SERPINI1: variants seen among roughly 807,000 people sequenced by gnomAD.
SERPINI1 encodes the protein serpin family I member 1.
A neutral mutation model predicts 41.1 loss-of-function variants in SERPINI1; 19 were observed. That is an observed-to-expected ratio of 0.46 (90% confidence interval 0.32 to 0.68). SERPINI1 has a LOEUF of 0.68. Ranked by LOEUF, SERPINI1 falls within the 30% of genes least tolerant of loss-of-function variation. SERPINI1 has a pLI of 0.03. For synonymous variants in SERPINI1, 138 were observed against 156.6 expected (o/e 0.88, Z 0.89); for missense variants, 460 against 479.2 (o/e 0.96, Z 0.37).
chr3:167,743,026 C>A (rs1725730325), intron 1 of SERPINI1, among the ~76,000 whole-genome samples: 1 of 152,104 alleles, frequency 6.6e-6, no homozygotes, highest in South Asian at 2.1e-4. Context: ...GCATTACAAA[C>A]ACTTTTCGTA....
At chr3:167,767,106 T>G (rs1726590535) in intron 1 of SERPINI1, among the ~76,000 whole-genome samples, 1 of 152,218 alleles carries the variant, frequency 6.6e-6, no homozygotes, top group African/African-American at 2.4e-5. Context: ...GTTTTAAAAC[T>G]TCAAAGGACA....
intron 1 of SERPINI1, among the ~76,000 whole-genome samples, chr3:167,753,550 G>C (rs1049081880): frequency 6.6e-6 from 1 of 152,116 alleles, no homozygotes; most frequent in African/African-American, 2.4e-5. Flanking sequence ...CAGAGGCCTT[G>C]GGACCCTATG....
intron 6 of SERPINI1, among the ~76,000 whole-genome samples, chr3:167,808,348 T>C (rs1160163363): frequency 6.6e-6 from 1 of 151,478 alleles, no homozygotes; most frequent in African/African-American, 2.4e-5. Flanking sequence ...TAAAATACTT[T>C]GGAAGTATTT....
At chr3:167,796,011 G>T (rs1490527617) in intron 5 of SERPINI1, among the ~76,000 whole-genome samples, 1 of 152,046 alleles carries the variant, frequency 6.6e-6, no homozygotes, top group Non-Finnish European at 1.5e-5. Context: ...GTTCAAGTAT[G>T]ATTAATTACT....
At chr3:167,818,788 G>A (rs1355584817) in intron 6 of SERPINI1, among the ~76,000 whole-genome samples, 5 of 152,154 alleles carry the variant, frequency 3.3e-5, no homozygotes, top group Non-Finnish European at 5.9e-5. Flanking sequence ...ACACAGGCTA[G>A]TAATAAAGGG....
At chr3:167,763,878 T>C (rs1726469490) in intron 1 of SERPINI1, among the ~76,000 whole-genome samples, 1 of 152,194 alleles carries the variant, frequency 6.6e-6, no homozygotes, top group African/African-American at 2.4e-5. Flanking sequence ...TAATAGGTTA[T>C]GAAAACACTT....
intron 5 of SERPINI1, chr3:167,800,175 T>C (rs928888037): frequency 6.6e-6 from 1 of 152,198 alleles, no homozygotes; most frequent in African/African-American, 2.4e-5. Flanking sequence ...AAGATTTATA[T>C]ACATAGTTGT....
intron 1 of SERPINI1, among the ~76,000 whole-genome samples, chr3:167,739,685 C>T (rs1256807720): frequency 6.6e-6 from 1 of 152,058 alleles, no homozygotes; most frequent in Non-Finnish European, 1.5e-5. Flanking sequence ...AACCATATTT[C>T]ATTCTATAAA....
At position 167,825,432 on chromosome 3, in the gene SERPINI1, A is replaced by G. The variant is rs1712487337; in HGVS notation, c.*109A>G. ...AGTATATCTTAAGATAATATTTAAA[A>G]TAGTTCCAGATAAAAACAATATATG... On this transcript the variant is annotated 3_prime_UTR_variant, in exon 9 of 9. Transcript: ENST00000446050. 4.1e-6 allele frequency: 3 copies of G among 734,588 alleles called. No individual in the cohort carries two copies. The highest frequency in any genetic ancestry group is 4.9e-6 in the Non-Finnish European group (2 of 411,582). The allele number at this position is 734,588 out of a possible 1,614,324, so 45.5% of individuals were successfully genotyped here.
At chr3:167,778,916 G>GGGGTTAGAA (rs1165349978) in intron 1 of SERPINI1, among the ~76,000 whole-genome samples, 7 of 152,222 alleles carry the variant, frequency 4.6e-5, no homozygotes, top group Admixed American at 3.9e-4. Context: ...GATAGTTTGG[G>GGGGTTAGAA]GGGTTAGAAG....
chr3:167,746,693 C>A (rs918442988), intron 1 of SERPINI1, among the ~76,000 whole-genome samples: 4 of 152,194 alleles, frequency 2.6e-5, no homozygotes, highest in African/African-American at 9.6e-5. Context: ...CAAATCAAAA[C>A]CACAGTGAGC....
intron 1 of SERPINI1, among the ~76,000 whole-genome samples, chr3:167,766,095 C>G (rs1360110521): frequency 6.6e-6 from 1 of 152,170 alleles, no homozygotes; most frequent in Non-Finnish European, 1.5e-5. Flanking sequence ...GCCTGTTACC[C>G]AGTTCCAAAG....
intron 6 of SERPINI1, among the ~76,000 whole-genome samples, chr3:167,812,479 G>T (rs1711926090): frequency 6.6e-6 from 1 of 152,102 alleles, no homozygotes; most frequent in Non-Finnish European, 1.5e-5. Flanking sequence ...ATTTCATCAA[G>T]GCATCATGAC....
chr3:167,825,340 A>T lies in SERPINI1; in HGVS notation c.*17A>T, dbSNP rs2108576547. 1 of 1,517,598 alleles carries T rather than the reference A, an allele frequency of 6.6e-7. No homozygotes were observed. Among genetic ancestry groups the T allele is most frequent in the East Asian group, 2.3e-5 (1 of 44,366 alleles). 94.0% of individuals were successfully genotyped at this position (1,517,598 alleles called of 1,614,324 possible). On this transcript the variant is annotated 3_prime_UTR_variant, in exon 9 of 9. Coordinates refer to ENST00000446050, the MANE Select transcript of SERPINI1 (RefSeq NM_001122752.2). ...GAACTTTAAGTTACTTTATTTGAAT[A>T]ACAAGGAAAACAGTAACTAAGCACA...
At chr3:167,823,123 C>A (rs369193510) in intron 7 of SERPINI1, 51 bp downstream of exon 7, 219 of 1,258,494 alleles carry the variant, frequency 1.7e-4, no homozygotes, top group Non-Finnish European at 1.1e-4. Flanking sequence ...ATTTTTAGAG[C>A]AATCTTGAGT....
At chr3:167,759,071 T>C (rs1726286368) in intron 1 of SERPINI1, among the ~76,000 whole-genome samples, 2 of 152,162 alleles carry the variant, frequency 1.3e-5, no homozygotes, top group Non-Finnish European at 2.9e-5. Flanking sequence ...CCACTCATTA[T>C]AGAGCCAGGT....
In SERPINI1 at chr3:167,792,734, A is replaced by C; in HGVS notation, c.626A>C (p.Glu209Ala). 6.2e-7 allele frequency: 1 copy of C among 1,613,926 alleles called. No individual in the cohort carries two copies. The stretch of plus-strand genomic sequence containing the variant: ...ACCTTTTCTTTCACTAAAGATGATG[A>C]AAGTGAAGTCCAAATTCCAATGATG... ...TRTFSFTKDD[E>A]SEVQIPMMYQ... Residue 209 changes from glutamate to alanine, a missense_variant, in exon 4 of 9, where the codon GAA (glutamate) becomes GCA (alanine). Transcript: ENST00000446050.
At chr3:167,772,195 A>C (rs142161044) in intron 1 of SERPINI1, among the ~76,000 whole-genome samples, 7 of 152,286 alleles carry the variant, frequency 4.6e-5, no homozygotes, top group Non-Finnish European at 1.0e-4. Flanking sequence ...CTGTTATTCC[A>C]TCTCCACAGA....
intron 8 of SERPINI1, among the ~76,000 whole-genome samples, 200 bp downstream of exon 8, chr3:167,824,762 G>A (rs1712457930): frequency 1.3e-5 from 2 of 151,940 alleles, no homozygotes; most frequent in Non-Finnish European, 2.9e-5. Context: ...AAATAAGGCT[G>A]GTGAGGTGGC....
Sources: gnomAD v4.1 joint callset for allele counts (sites outside exome capture counted in the v4.1 genomes callset) on GRCh38, gnomAD v4.1.1 for gene constraint, MANE v1.5 for transcripts, NCBI Gene and HGNC (gene_info 2026-07-23, HGNC 2026-07-21) for gene names.